Variants in ANXA6 observed in about 807,000 individuals in gnomAD.
ANXA6 encodes 67 kDa calelectrin.
Under a neutral mutation model 95.4 loss-of-function variants are expected in ANXA6, and 71 were observed. The ratio of observed to expected loss-of-function variants is 0.74; its 90% CI spans 0.61 to 0.91. ANXA6 has a LOEUF of 0.91. ANXA6 is among the 40% of genes least tolerant of loss of function. The probability of loss-of-function intolerance (pLI) is 0.00; values close to 1 mark genes in which losing one functional copy is unlikely to be tolerated. For synonymous variants in ANXA6, 289 were observed against 315.9 expected (o/e 0.91, Z 0.90); for missense variants, 830 against 876.4 (o/e 0.95, Z 0.67).
At chr5:151,119,253 G>T (rs754996145) in intron 18 of ANXA6, 47 bp downstream of exon 18, 3 of 1,514,686 alleles carry the variant, frequency 2.0e-6, no homozygotes, top group East Asian at 2.3e-5. Flanking sequence ...GAAGTTGGGG[G>T]GCCTGGCTGT....
At chr5:151,117,065 A>G (rs1485644777) in intron 20 of ANXA6, 62 bp downstream of exon 20, 1 of 1,466,890 alleles carries the variant, frequency 6.8e-7, no homozygotes. Context: ...AGACACGCAT[A>G]AGCTGGACCT....
intron 21 of ANXA6, 90 bp from the exon 22 acceptor site, chr5:151,109,936 A>G (rs1416180939): frequency 9.9e-7 from 1 of 1,011,240 alleles, no homozygotes; most frequent in African/African-American, 1.6e-5. Context: ...GCCTGGGCTG[A>G]GGGCAGTCAG....
chr5:151,102,800 C>A (rs1270877227), intron 25 of ANXA6, among the ~76,000 whole-genome samples: 1 of 152,094 alleles, frequency 6.6e-6, no homozygotes, highest in Non-Finnish European at 1.5e-5. Context: ...TCTACAGAGA[C>A]ACAAAGTAGC....
At chr5:151,131,338 G>A (rs773992722) in intron 10 of ANXA6, 49 bp from the exon 11 acceptor site, 3 of 1,583,378 alleles carry the variant, frequency 1.9e-6, no homozygotes, top group Admixed American at 1.7e-5. Flanking sequence ...CCTCAGAAGG[G>A]GGATGGGATG....
chr5:151,122,249 A>G lies in ANXA6; in HGVS notation c.1245T>C (p.Thr415=). ...CTCCAGAGATCTCAGACTTCAGGTC[A>G]GTCATTAAGTCCTGCAAAGGGCAGA... ...FKSHFGRDLM[T]DLKSEISGDL... is the part of the protein sequence containing the mutation. The change falls in exon 17 of 26, where the codon ACT becomes ACC. Residue 415 remains threonine, a synonymous_variant. Coordinates refer to ENST00000354546, the MANE Select transcript of ANXA6 (RefSeq NM_001155.5). The G allele has an allele frequency of 6.2e-7, 1 of 1,602,770 alleles. No individual in the cohort carries two copies. Among genetic ancestry groups the G allele is most frequent in the Non-Finnish European group, 8.5e-7 (1 of 1,174,770 alleles).
intron 14 of ANXA6, among the ~76,000 whole-genome samples, chr5:151,125,607 C>G (rs920800634): frequency 9.2e-5 from 14 of 152,134 alleles, no homozygotes; most frequent in Non-Finnish European, 2.9e-5. Flanking sequence ...ACCAAGACTT[C>G]CTCTTTGACG....
intron 1 of ANXA6, chr5:151,151,118 A>G (rs1862362): frequency 0.44 from 67,419 of 152,082 alleles, 15,698 homozygotes; most frequent in East Asian, 0.78. Context: ...ATATGTAAAA[A>G]GCAAGCTCCT....
intron 23 of ANXA6, among the ~76,000 whole-genome samples, chr5:151,105,667 T>A (rs770102961): frequency 6.6e-6 from 1 of 152,182 alleles, no homozygotes; most frequent in Non-Finnish European, 1.5e-5. Flanking sequence ...GGGTTTAGGC[T>A]CCACCCTAAA....
At chr5:151,126,550 ACACACACAC>A in intron 13 of ANXA6, 70 bp from the exon 14 acceptor site, 15 of 479,880 alleles carry the variant, frequency 3.1e-5, no homozygotes, top group Non-Finnish European at 4.5e-5. Flanking sequence ...ACCAACACAC[ACACACACAC>A]ACACACACAC....
At chr5:151,141,121 C>G (rs542143670) in intron 2 of ANXA6, among the ~76,000 whole-genome samples, 3 of 152,344 alleles carry the variant, frequency 2.0e-5, no homozygotes, top group African/African-American at 7.2e-5. Flanking sequence ...TCTTAGACAT[C>G]GAACCTGAAC....
intron 2 of ANXA6, among the ~76,000 whole-genome samples, chr5:151,146,976 T>C (rs1765990639): frequency 6.6e-6 from 1 of 152,168 alleles, no homozygotes; most frequent in African/African-American, 2.4e-5. Context: ...TTCTGCCATA[T>C]TGTCCAGGCT....
At chr5:151,136,688 T>G (rs190743606) in intron 6 of ANXA6, among the ~76,000 whole-genome samples, 195 of 152,156 alleles carry the variant, frequency 1.3e-3, no homozygotes, top group African/African-American at 4.6e-3. Context: ...CTCCCCAACT[T>G]CTCATTAGAC....
In ANXA6 at chr5:151,123,004, G is replaced by T; in HGVS notation, c.1146C>A (p.Asp382Glu). The T allele has an allele frequency of 6.2e-7, 1 of 1,613,432 alleles. No homozygotes were observed. The highest frequency in any genetic ancestry group is 1.1e-5 in the South Asian group (1 of 91,078). Reference protein sequence around the residue: ...LRKAMKGLGTDEDTIIDIITH... With the variant: ...LRKAMKGLGTEEDTIIDIITH... ...TGATGATATCGATGATTGTGTCTTC[G>T]TCAGTCCCTGAGTCACCAAAGCCAC... Residue 382 changes from aspartate (D) to glutamate (E), a missense_variant, in exon 16 of 26, where the codon GAC (aspartate) becomes GAA (glutamate). Asp to Glu is a conservative substitution (Grantham distance 45, BLOSUM62 2). Coordinates refer to ENST00000354546, the MANE Select transcript of ANXA6 (RefSeq NM_001155.5).
At chr5:151,156,629 T>C (rs926736235) in intron 1 of ANXA6, among the ~76,000 whole-genome samples, 6 of 152,000 alleles carry the variant, frequency 3.9e-5, no homozygotes, top group Admixed American at 2.6e-4. Flanking sequence ...ATGTCCAAAT[T>C]TGGAATTGTC....
At chr5:151,147,817 T>A in intron 2 of ANXA6, 67 bp downstream of exon 2, 1 of 1,538,934 alleles carries the variant, frequency 6.5e-7, no homozygotes, top group Admixed American at 1.9e-5. Context: ...GCAGGCCTAG[T>A]GGCTCCAGGA....
chr5:151,154,493 T>TC (rs1306876583), intron 1 of ANXA6, among the ~76,000 whole-genome samples: 2 of 152,126 alleles, frequency 1.3e-5, no homozygotes, highest in African/African-American at 2.4e-5. Flanking sequence ...CTGGGGTATA[T>TC]CCATCCCACT....
chr5:151,116,695 C>T (rs2113907413), intron 20 of ANXA6, among the ~76,000 whole-genome samples: 1 of 152,382 alleles, frequency 6.6e-6, no homozygotes, highest in Admixed American at 6.5e-5. Context: ...AGGACACTCC[C>T]TCCAATCTCG....
In ANXA6 at chr5:151,129,506, G is replaced by A; in HGVS notation, c.819C>T (p.Thr273=). The part of the protein sequence containing the change: ...AMKGLGTRDN[T]LIRIMVSRSE... Reference sequence around the variant, plus strand: ...TACGGGAGACCATGATGCGGATCAGGGTGTTGTCCCGAGTCCCCAGGCCCT... The same window carrying A: ...TACGGGAGACCATGATGCGGATCAGAGTGTTGTCCCGAGTCCCCAGGCCCT... Residue 273 remains threonine (T), a synonymous_variant, in exon 12 of 26, where the codon ACC becomes ACT. Coordinates refer to ENST00000354546, the MANE Select transcript of ANXA6 (RefSeq NM_001155.5). The A allele has an allele frequency of 6.2e-7, 1 of 1,608,538 alleles. No individual in the cohort carries two copies. Among genetic ancestry groups the A allele is most frequent in the Non-Finnish European group, 8.5e-7 (1 of 1,177,656 alleles).
At position 151,139,184 on chromosome 5, in the gene ANXA6, T is replaced by C. The variant is rs1582011502; in HGVS notation, c.204+169A>G. ...GCATACAGCAGGTGCTGTGGGTGTA[T>C]TAAAGGCTGAAAGACGCCCAGCTGA... On this transcript the variant is annotated intron_variant, in intron 4 of 25. Coordinates refer to ENST00000354546, the MANE Select transcript of ANXA6 (RefSeq NM_001155.5). 4 of 604,412 alleles carry C rather than the reference T, an allele frequency of 6.6e-6. No homozygotes were observed. In the East Asian group the frequency reaches 8.4e-5, roughly 13 times the overall value. The allele number at this position is 604,412 out of a possible 1,614,324, so 37.4% of individuals were successfully genotyped here.
Sources: gnomAD v4.1 joint callset for allele counts (sites outside exome capture counted in the v4.1 genomes callset) on GRCh38, gnomAD v4.1.1 for gene constraint, MANE v1.5 for transcripts, NCBI Gene and HGNC (gene_info 2026-07-23, HGNC 2026-07-21) for gene names.